C17orf67: variants seen among roughly 807,000 people sequenced by gnomAD.
The protein encoded by C17orf67 is chromosome 17 open reading frame 67.
A neutral mutation model predicts 11.2 loss-of-function variants in C17orf67; 12 were observed. The observed-to-expected ratio is 1.07, with a 90% CI of 0.68 to 1.73. C17orf67 has a LOEUF of 1.73. Among genes scored for constraint, C17orf67 ranks in the 40% most tolerant of loss-of-function variants. The pLI, the probability that C17orf67 is intolerant of heterozygous loss-of-function variation, is 0.00. For synonymous variants in C17orf67, 59 were observed against 46.9 expected (o/e 1.26, Z -1.05); for missense variants, 115 against 113.5 (o/e 1.01, Z -0.06).
intron 6 of C17orf67, 27 bp from the exon 7 acceptor site, chr17:56,795,207 G>A: frequency 6.2e-7 from 1 of 1,602,936 alleles, no homozygotes; most frequent in Non-Finnish European, 8.5e-7. Context: ...CACTGAAGAA[G>A]GCTTCACCCA....
intron 7 of C17orf67, 66 bp downstream of exon 7, chr17:56,794,978 A>G (rs1270480236): frequency 1.7e-6 from 2 of 1,183,970 alleles, no homozygotes; most frequent in Non-Finnish European, 1.2e-6. Context: ...AAAGTCTCCC[A>G]GCCCATGCCA....
intron 6 of C17orf67, among the ~76,000 whole-genome samples, chr17:56,800,844 GT>G (rs900877804): frequency 1.7e-4 from 26 of 152,262 alleles, no homozygotes; most frequent in African/African-American, 6.0e-4. Flanking sequence ...GCCTCATACT[GT>G]TTAGTGGAGG....
intron 2 of C17orf67, among the ~76,000 whole-genome samples, chr17:56,827,704 C>T (rs569855002): frequency 3.9e-5 from 6 of 152,316 alleles, no homozygotes; most frequent in African/African-American, 9.6e-5. Flanking sequence ...GTGGGGCTGC[C>T]GCCCCATGAC....
chr17:56,816,416 C>T (rs1035653049), intron 4 of C17orf67, among the ~76,000 whole-genome samples: 1 of 152,166 alleles, frequency 6.6e-6, no homozygotes, highest in Admixed American at 6.5e-5. Flanking sequence ...TCAGTTTCCT[C>T]CCCTGTCAAA....
intron 4 of C17orf67, among the ~76,000 whole-genome samples, chr17:56,816,296 G>T (rs1021013425): frequency 3.9e-5 from 6 of 152,132 alleles, no homozygotes; most frequent in African/African-American, 1.4e-4. Context: ...TGATGAGTGG[G>T]GAAAAACAAT....
intron 6 of C17orf67, among the ~76,000 whole-genome samples, chr17:56,808,792 G>A (rs1905518639): frequency 6.6e-6 from 1 of 152,172 alleles, no homozygotes; most frequent in South Asian, 2.1e-4. Flanking sequence ...CAATATTTAA[G>A]CCAAGTGTTA....
intron 3 of C17orf67, 102 bp downstream of exon 3, chr17:56,824,979 T>A (rs1905990617): frequency 6.6e-6 from 1 of 152,190 alleles, no homozygotes; most frequent in African/African-American, 2.4e-5. Context: ...GTTAACCAGG[T>A]TTTTACTATT....
intron 6 of C17orf67, among the ~76,000 whole-genome samples, chr17:56,798,364 GAGCAGAAATAT>G (rs1182792830): frequency 6.6e-6 from 1 of 152,082 alleles, no homozygotes; most frequent in Non-Finnish European, 1.5e-5. Context: ...CAGCAAAATT[GAGCAGAAATAT>G]AGCATTCCCA....
intron 4 of C17orf67, among the ~76,000 whole-genome samples, chr17:56,823,596 A>G (rs913364820): frequency 1.3e-5 from 2 of 152,216 alleles, no homozygotes; most frequent in Non-Finnish European, 2.9e-5. Context: ...AGAAATTTAA[A>G]ACTCAGTTGA....
intron 6 of C17orf67, among the ~76,000 whole-genome samples, chr17:56,800,420 G>C (rs1292802587): frequency 6.6e-6 from 1 of 152,136 alleles, no homozygotes; most frequent in African/African-American, 2.4e-5. Context: ...TAAAATGTCT[G>C]TATGCCTCCC....
At chr17:56,815,052 G>C in intron 5 of C17orf67, 83 bp from the exon 6 acceptor site, 1 of 1,201,058 alleles carries the variant, frequency 8.3e-7, no homozygotes, top group South Asian at 1.2e-5. Context: ...CAAAAGATTT[G>C]CAAGTTCAAT....
intron 6 of C17orf67, among the ~76,000 whole-genome samples, chr17:56,801,752 G>A (rs1350011543): frequency 6.6e-6 from 1 of 152,228 alleles, no homozygotes; most frequent in Non-Finnish European, 1.5e-5. Context: ...TATCCAGGGA[G>A]TCTTTGGCCA....
chr17:56,799,251 C>A (rs1905267638), intron 6 of C17orf67, among the ~76,000 whole-genome samples: 1 of 152,210 alleles, frequency 6.6e-6, no homozygotes, highest in South Asian at 2.1e-4. Context: ...TCTGCCTAAC[C>A]CCTGGCAACC....
rs537886964 is a variant in C17orf67, at chr17:56,797,059, G to A, written c.157-1879C>T. On this transcript the variant is annotated intron_variant, in intron 6 of 7. Coordinates refer to ENST00000397861, the MANE Select transcript of C17orf67 (RefSeq NM_001085430.4). ...CTTCCCCCACTCCTCCCAACAGCAG[G>A]GAGTGGCCCTGCCCTCCCACCTTGG... Among the ~76,000 whole-genome samples, 13 of 152,154 alleles carry A rather than the reference G, an allele frequency of 8.5e-5. No individual in the cohort carries two copies. In the South Asian group the frequency reaches 2.7e-3, roughly 32 times the overall value.
rs577215701 is a variant in C17orf67, at chr17:56,809,369, G to A, written c.156+5500C>T. On this transcript the variant is annotated intron_variant, in intron 6 of 7. Transcript: ENST00000397861. ...TTCCAACCCAGCCTCACAACAACCT[G>A]GCGATGCCATCTGCCATCATTCCAC... Among the ~76,000 whole-genome samples, 3 of 151,922 alleles carry A rather than the reference G, an allele frequency of 2.0e-5. No homozygotes were observed. In the East Asian group the frequency reaches 5.8e-4, roughly 29 times the overall value.
At chr17:56,796,385 C>T (rs887506994) in intron 6 of C17orf67, among the ~76,000 whole-genome samples, 2 of 152,106 alleles carry the variant, frequency 1.3e-5, no homozygotes, top group African/African-American at 2.4e-5. Flanking sequence ...AGCAGTGATC[C>T]CTGCTACAAC....
chr17:56,814,824 C>A, intron 6 of C17orf67, 45 bp downstream of exon 6: 1 of 1,574,652 alleles, frequency 6.4e-7, no homozygotes, highest in South Asian at 1.1e-5. Flanking sequence ...GAATGGCATT[C>A]AAATGATCAC....
intron 2 of C17orf67, among the ~76,000 whole-genome samples, chr17:56,831,602 G>A (rs1906203809): frequency 6.6e-6 from 1 of 152,132 alleles, no homozygotes; most frequent in Non-Finnish European, 1.5e-5. Context: ...AGGGGTGAAT[G>A]AAATGAGTCT....
At position 56,797,865 on chromosome 17, in the gene C17orf67, T is replaced by C. The variant is rs2176745; in HGVS notation, c.157-2685A>G. Among the ~76,000 whole-genome samples, 1,378 of 152,266 alleles carry C rather than the reference T, an allele frequency of 9.0e-3. 22 individuals carry two copies. Among genetic ancestry groups the C allele is most frequent in the African/African-American group, 0.031 (1,308 of 41,544 alleles). ...AGGCTGTGAATTTTCTGTATATGGG[T>C]TACTCATGGCATTATGTCCTATAAG... On this transcript the variant is annotated intron_variant, in intron 6 of 7. Coordinates refer to ENST00000397861, the MANE Select transcript of C17orf67 (RefSeq NM_001085430.4).
Sources: gnomAD v4.1 joint callset for allele counts (sites outside exome capture counted in the v4.1 genomes callset) on GRCh38, gnomAD v4.1.1 for gene constraint, MANE v1.5 for transcripts, NCBI Gene and HGNC (gene_info 2026-07-23, HGNC 2026-07-21) for gene names.